Variants in INPP5F observed in about 807,000 individuals in gnomAD.
The protein encoded by INPP5F is inositol polyphosphate-5-phosphatase F.
Under a neutral mutation model 137.2 loss-of-function variants are expected in INPP5F, and 97 were observed. The ratio of observed to expected loss-of-function variants is 0.71; its 90% confidence interval spans 0.60 to 0.84. INPP5F has a LOEUF of 0.84. Ranked by LOEUF, INPP5F falls within the 40% of genes least tolerant of loss-of-function variation. INPP5F has a pLI of 0.00. For synonymous variants in INPP5F, 504 were observed against 476.9 expected, an observed-to-expected ratio of 1.06 and a Z score of -0.74; for missense variants, 1,271 against 1,371.9, an observed-to-expected ratio of 0.93 and a Z score of 1.16.
Position 119,827,116 on chromosome 10 carries a change from ATAG to A in INPP5F, c.2739_2741del (p.Ser914del), listed in dbSNP as rs1182065181. On this transcript the variant is annotated inframe_deletion, in exon 20 of 20. Coordinates refer to ENST00000650623, the MANE Select transcript of INPP5F (RefSeq NM_014937.4). ...CGGTCCCAGTCTCTTAGCAGCACAG[ATAG>A]TAGCGTTCATGCTCCTTCAGAGATT... 1 of 1,614,158 alleles carries A rather than the reference ATAG, an allele frequency of 6.2e-7. No individual in the cohort carries two copies. The highest frequency in any genetic ancestry group is 1.7e-5 in the Admixed American group (1 of 60,018).
At chr10:119,819,162 G>T (rs1438602517) in intron 15 of INPP5F, 2 of 166,766 alleles carry the variant, frequency 1.2e-5, no homozygotes, top group African/African-American at 4.8e-5. Flanking sequence ...GCAGACGTGG[G>T]GGGTGGGGAA....
At chr10:119,756,203 AT>A (rs1054701213) in intron 2 of INPP5F, among the ~76,000 whole-genome samples, 8 of 151,814 alleles carry the variant, frequency 5.3e-5, no homozygotes, top group African/African-American at 1.2e-4. Context: ...GCTGATTACT[AT>A]TTTTTTTCCC....
chr10:119,741,507 C>T (rs906248668), intron 1 of INPP5F, among the ~76,000 whole-genome samples: 3 of 152,076 alleles, frequency 2.0e-5, no homozygotes, highest in African/African-American at 4.8e-5. Flanking sequence ...AGGCCAACAA[C>T]AGCTTTTTAT....
intron 3 of INPP5F, among the ~76,000 whole-genome samples, chr10:119,790,360 C>T (rs1262698656): frequency 6.6e-6 from 1 of 152,156 alleles, no homozygotes; most frequent in Non-Finnish European, 1.5e-5. Flanking sequence ...GCTTTTCTCC[C>T]TCATCTTTAG....
chr10:119,800,179 A>G (rs1291485307), intron 9 of INPP5F, among the ~76,000 whole-genome samples: 2 of 152,052 alleles, frequency 1.3e-5, no homozygotes, highest in Admixed American at 6.5e-5. Context: ...ACACAAGAGA[A>G]TGGAAAGGCA....
intron 1 of INPP5F, among the ~76,000 whole-genome samples, chr10:119,731,463 A>G (rs1289628814): frequency 6.6e-6 from 1 of 152,176 alleles, no homozygotes; most frequent in Non-Finnish European, 1.5e-5. Context: ...CAGGAGTTCA[A>G]GACCAGCCTA....
chr10:119,807,856 C>T, intron 12 of INPP5F, 76 bp from the exon 13 acceptor site: 5 of 1,383,996 alleles, frequency 3.6e-6, no homozygotes, highest in East Asian at 2.4e-5. Context: ...AATATGTTTC[C>T]TTTTTCTGCA....
At chr10:119,779,654 A>C (rs1490761798) in intron 2 of INPP5F, among the ~76,000 whole-genome samples, 1 of 152,062 alleles carries the variant, frequency 6.6e-6, no homozygotes, top group Non-Finnish European at 1.5e-5. Flanking sequence ...TCCTGGGCTC[A>C]AGCAATCCTC....
chr10:119,826,562 ATGT>A, intron 19 of INPP5F, 66 bp from the exon 20 acceptor site: 1 of 1,234,450 alleles, frequency 8.1e-7, no homozygotes, highest in Non-Finnish European at 1.1e-6. Context: ...GTTTTCACTT[ATGT>A]TAATAACTGG....
intron 3 of INPP5F, among the ~76,000 whole-genome samples, chr10:119,784,835 C>T (rs76169527): frequency 0.021 from 3,239 of 152,262 alleles, 52 homozygotes; most frequent in Middle Eastern, 0.068. Context: ...ACCCTGTCTT[C>T]GTTAGCAGCC....
intron 3 of INPP5F, among the ~76,000 whole-genome samples, chr10:119,786,208 A>G (rs1849908900): frequency 6.6e-6 from 1 of 152,224 alleles, no homozygotes; most frequent in Non-Finnish European, 1.5e-5. Context: ...TTTAAAAACT[A>G]GGGAAGTGCT....
intron 2 of INPP5F, among the ~76,000 whole-genome samples, chr10:119,767,128 A>AAAAAAAAC (rs1849196347): frequency 6.6e-6 from 1 of 150,456 alleles, no homozygotes; most frequent in Non-Finnish European, 1.5e-5. Flanking sequence ...AAAAAAAAAA[A>AAAAAAAAC]AAAAACCTAG....
chr10:119,754,105 TAA>T (rs1444943265), intron 2 of INPP5F, among the ~76,000 whole-genome samples: 1 of 152,190 alleles, frequency 6.6e-6, no homozygotes, highest in Non-Finnish European at 1.5e-5. Context: ...GACAAGCAGT[TAA>T]AAAAGATTGA....
chr10:119,812,643 GA>G (rs1198369636), intron 15 of INPP5F, among the ~76,000 whole-genome samples: 1 of 152,056 alleles, frequency 6.6e-6, no homozygotes, highest in Non-Finnish European at 1.5e-5. Context: ...TACAATTAAA[GA>G]TAGTATTTAT....
At chr10:119,743,653 G>T (rs1365017605) in intron 1 of INPP5F, among the ~76,000 whole-genome samples, 1 of 139,882 alleles carries the variant, frequency 7.1e-6, no homozygotes, top group Non-Finnish European at 1.6e-5. Context: ...TGCTGGGGGC[G>T]GGGGGCGGGG....
intron 1 of INPP5F, among the ~76,000 whole-genome samples, chr10:119,743,618 A>G (rs1304517302): frequency 8.9e-6 from 1 of 112,974 alleles, no homozygotes; most frequent in Non-Finnish European, 1.7e-5. Context: ...GGCTGCACAT[A>G]GTTCAGGATG....
chr10:119,760,741 C>T (rs534949050), intron 2 of INPP5F, among the ~76,000 whole-genome samples: 13 of 152,186 alleles, frequency 8.5e-5, no homozygotes, highest in Non-Finnish European at 1.9e-4. Context: ...TCTGTTACAG[C>T]CCGTGGGCTT....
At chr10:119,780,639 C>T (rs1308226136) in intron 2 of INPP5F, among the ~76,000 whole-genome samples, 6 of 152,070 alleles carry the variant, frequency 3.9e-5, no homozygotes, top group African/African-American at 1.2e-4. Context: ...TACAGTCGGC[C>T]CTGTGTATCC....
chr10:119,742,639 T>C (rs1212220390), intron 1 of INPP5F, among the ~76,000 whole-genome samples: 1 of 152,128 alleles, frequency 6.6e-6, no homozygotes, highest in Non-Finnish European at 1.5e-5. Flanking sequence ...GAAAGCCCCA[T>C]ACAAACATGA....
Sources: gnomAD v4.1 joint callset for allele counts (sites outside exome capture counted in the v4.1 genomes callset) on GRCh38, gnomAD v4.1.1 for gene constraint, MANE v1.5 for transcripts, NCBI Gene and HGNC (gene_info 2026-07-23, HGNC 2026-07-21) for gene names.